Variants in EPHA7 observed in about 807,000 individuals in gnomAD.
EPHA7 encodes the protein ephrin type-A receptor 7.
A neutral mutation model predicts 112.6 loss-of-function variants in EPHA7; 25 were observed. That is an observed-to-expected ratio of 0.22 (90% confidence interval 0.16 to 0.31). The LOEUF (loss-of-function observed/expected upper bound fraction) is 0.31. Among genes scored for constraint, EPHA7 ranks in the 10% least tolerant of loss-of-function variants. The probability of loss-of-function intolerance (pLI) is 1.00; values close to 1 mark genes in which losing one functional copy is unlikely to be tolerated. For missense variants in EPHA7, 962 were observed against 1,212.6 expected (o/e 0.79, Z 3.07); for synonymous variants, 437 against 406.5 (o/e 1.07, Z -0.90).
intron 5 of EPHA7, among the ~76,000 whole-genome samples, chr6:93,292,792 GCAAA>G (rs1326527969): frequency 6.6e-6 from 1 of 152,066 alleles, no homozygotes; most frequent in Non-Finnish European, 1.5e-5. Flanking sequence ...AGAGAGAAAG[GCAAA>G]CAACCCATTG....
chr6:93,294,154 G>A (rs1352293838), intron 5 of EPHA7, among the ~76,000 whole-genome samples: 1 of 152,154 alleles, frequency 6.6e-6, no homozygotes, highest in African/African-American at 2.4e-5. Context: ...TATCTACTCA[G>A]TCACAAGAAG....
intron 5 of EPHA7, among the ~76,000 whole-genome samples, chr6:93,323,169 C>T (rs1359735816): frequency 6.6e-6 from 1 of 151,476 alleles, no homozygotes; most frequent in Non-Finnish European, 1.5e-5. Context: ...ACATATTCGT[C>T]TCTTTATGAA....
chr6:93,264,760 T>C, intron 7 of EPHA7, 58 bp from the exon 8 acceptor site: 1 of 916,310 alleles, frequency 1.1e-6, no homozygotes, highest in Non-Finnish European at 1.6e-6. Flanking sequence ...ACTTGAAAGG[T>C]TAAATAAAAT....
At position 93,246,899 on chromosome 6, in the gene EPHA7, C is replaced by A. The variant is rs1266282599; in HGVS notation, c.2619G>T (p.Trp873Cys). The A allele has an allele frequency of 6.2e-7, 1 of 1,613,762 alleles. No individual in the cohort carries two copies. The highest frequency in any genetic ancestry group is 8.5e-7 in the Non-Finnish European group (1 of 1,179,810). The change falls in exon 15 of 17, where the codon TGG becomes TGT. Residue 873 changes from tryptophan to cysteine, a missense_variant. Trp to Cys is a radical substitution (Grantham distance 215). Coordinates refer to ENST00000369303, the MANE Select transcript of EPHA7 (RefSeq NM_004440.4). ...TTGGCCTTTCAGCACGCTCCTTTTG[C>A]CAACAATCCAACATTAGCTGGTGAA... is the stretch of plus-strand genomic sequence containing the variant. ...AGLHQLMLDC[W>C]QKERAERPKF...
intron 5 of EPHA7, among the ~76,000 whole-genome samples, chr6:93,325,019 A>T (rs939818119): frequency 1.3e-5 from 2 of 151,282 alleles, no homozygotes; most frequent in Admixed American, 1.3e-4. Context: ...ACCTTTTCTA[A>T]AACTGGGGTT....
At chr6:93,294,726 C>T (rs1415997786) in intron 5 of EPHA7, among the ~76,000 whole-genome samples, 2 of 151,918 alleles carry the variant, frequency 1.3e-5, no homozygotes, top group East Asian at 3.9e-4. Context: ...TTTATTTTTA[C>T]ATGCTCAGCT....
chr6:93,307,562 GT>G (rs1240011712), intron 5 of EPHA7, among the ~76,000 whole-genome samples: 1 of 152,038 alleles, frequency 6.6e-6, no homozygotes, highest in Non-Finnish European at 1.5e-5. Context: ...TAATTTCTAA[GT>G]TTTACACTGT....
chr6:93,327,848 T>C (rs1774398499), intron 5 of EPHA7, among the ~76,000 whole-genome samples: 1 of 151,492 alleles, frequency 6.6e-6, no homozygotes, highest in African/African-American at 2.4e-5. Flanking sequence ...AGCAGCGAGA[T>C]TGTTAATGAG....
At chr6:93,328,724 AT>A (rs773743572) in intron 5 of EPHA7, among the ~76,000 whole-genome samples, 5 of 151,384 alleles carry the variant, frequency 3.3e-5, no homozygotes, top group Admixed American at 1.3e-4. Flanking sequence ...ATATATTCTC[AT>A]TAGCGAATTC....
chr6:93,343,696 G>GA (rs1775252190), intron 5 of EPHA7, among the ~76,000 whole-genome samples: 2 of 151,372 alleles, frequency 1.3e-5, no homozygotes, highest in Admixed American at 1.3e-4. Flanking sequence ...AAAAATGGTC[G>GA]AAAAAAGAGT....
At chr6:93,349,728 A>G (rs973595620) in intron 5 of EPHA7, among the ~76,000 whole-genome samples, 3 of 151,872 alleles carry the variant, frequency 2.0e-5, no homozygotes, top group African/African-American at 7.2e-5. Context: ...AATCAATCTT[A>G]TATATTCCTA....
intron 10 of EPHA7, among the ~76,000 whole-genome samples, chr6:93,258,866 T>C (rs1382843477): frequency 2.6e-5 from 4 of 151,618 alleles, no homozygotes; most frequent in South Asian, 4.1e-4. Flanking sequence ...GTATAATTAG[T>C]ATAAAAATAC....
At chr6:93,274,851 G>GAT (rs1771397161) in intron 5 of EPHA7, among the ~76,000 whole-genome samples, 2 of 151,672 alleles carry the variant, frequency 1.3e-5, no homozygotes, top group Non-Finnish European at 1.5e-5. Flanking sequence ...CAACTCACAG[G>GAT]ATATACAGCT....
intron 5 of EPHA7, among the ~76,000 whole-genome samples, chr6:93,331,182 T>C (rs1774574021): frequency 6.6e-6 from 1 of 151,410 alleles, no homozygotes; most frequent in Non-Finnish European, 1.5e-5. Flanking sequence ...AAAGTATAAG[T>C]TACAATATTA....
At chr6:93,302,592 T>A (rs905970383) in intron 5 of EPHA7, among the ~76,000 whole-genome samples, 2 of 152,210 alleles carry the variant, frequency 1.3e-5, no homozygotes, top group African/African-American at 4.8e-5. Context: ...ACCTTTTATC[T>A]CTACTTGTAA....
intron 5 of EPHA7, among the ~76,000 whole-genome samples, chr6:93,302,351 C>T (rs1006324076): frequency 3.9e-5 from 6 of 152,074 alleles, no homozygotes; most frequent in South Asian, 2.1e-4. Context: ...AACTATGACT[C>T]CTGGGTTCTT....
At chr6:93,308,902 T>C (rs1346347442) in intron 5 of EPHA7, among the ~76,000 whole-genome samples, 2 of 152,062 alleles carry the variant, frequency 1.3e-5, no homozygotes, top group East Asian at 1.9e-4. Flanking sequence ...TATGTGTAGA[T>C]TTTAAAAGCC....
chr6:93,349,242 T>C (rs1353932559), intron 5 of EPHA7, among the ~76,000 whole-genome samples: 2 of 151,726 alleles, frequency 1.3e-5, no homozygotes, highest in Admixed American at 1.3e-4. Flanking sequence ...AATGTATCTA[T>C]ATATATATGT....
intron 3 of EPHA7, among the ~76,000 whole-genome samples, chr6:93,387,827 T>A (rs985095151): frequency 6.6e-6 from 1 of 152,022 alleles, no homozygotes; most frequent in Non-Finnish European, 1.5e-5. Context: ...CATGATCTAA[T>A]CAACTTGCAT....
Sources: gnomAD v4.1 joint callset for allele counts (sites outside exome capture counted in the v4.1 genomes callset) on GRCh38, gnomAD v4.1.1 for gene constraint, MANE v1.5 for transcripts, NCBI Gene and HGNC (gene_info 2026-07-23, HGNC 2026-07-21) for gene names.